The following CFAP54 variants were observed in gnomAD, a reference collection of about 807,000 sequenced individuals.
The protein encoded by CFAP54 is cilia and flagella associated protein 54.
Under a neutral mutation model 370.4 loss-of-function variants are expected in CFAP54, and 290 were observed. The observed-to-expected ratio is 0.78, with a 90% CI of 0.71 to 0.86. The LOEUF (loss-of-function observed/expected upper bound fraction) is 0.86. Among genes scored for constraint, CFAP54 ranks in the 40% least tolerant of loss-of-function variants. The probability of loss-of-function intolerance (pLI) is 0.00; values close to 1 mark genes in which losing one functional copy is unlikely to be tolerated. For missense variants in CFAP54, 3,399 were observed against 3,528.7 expected (o/e 0.96, Z 0.93); for synonymous variants, 1,206 against 1,236.5 (o/e 0.98, Z 0.52).
At chr12:96,831,642 A>G (rs1188814305) in intron 66 of CFAP54, among the ~76,000 whole-genome samples, 1 of 152,168 alleles carries the variant, frequency 6.6e-6, no homozygotes, top group Non-Finnish European at 1.5e-5. Flanking sequence ...TGAGGAAGTG[A>G]CATTTGAAGT....
At chr12:96,851,006 A>G (rs1011086437) in intron 66 of CFAP54, among the ~76,000 whole-genome samples, 2 of 152,228 alleles carry the variant, frequency 1.3e-5, no homozygotes, top group African/African-American at 4.8e-5. Context: ...TGTAAAAACC[A>G]TATCACTTTG....
chr12:96,569,294 G>T (rs2136415094), intron 19 of CFAP54, among the ~76,000 whole-genome samples: 1 of 152,288 alleles, frequency 6.6e-6, no homozygotes, highest in South Asian at 2.1e-4. Flanking sequence ...AGGTGGGACT[G>T]GTCCTCAAGA....
chr12:96,659,172 T>A (rs1439308046), intron 38 of CFAP54, among the ~76,000 whole-genome samples: 1 of 152,174 alleles, frequency 6.6e-6, no homozygotes, highest in Non-Finnish European at 1.5e-5. Flanking sequence ...TAGCATCAGA[T>A]CCCAGAGGTG....
chr12:96,775,914 A>G (rs182330977), intron 60 of CFAP54, among the ~76,000 whole-genome samples: 18 of 152,240 alleles, frequency 1.2e-4, no homozygotes, highest in African/African-American at 4.1e-4. Flanking sequence ...TTTATTTTAA[A>G]TATGCTTTTA....
chr12:96,538,706 C>A (rs1391737571), intron 13 of CFAP54, 188 bp downstream of exon 13: 1 of 583,704 alleles, frequency 1.7e-6, no homozygotes, highest in Non-Finnish European at 2.9e-6. Flanking sequence ...GTGTTCCCTG[C>A]ACTCCTGTTC....
chr12:96,766,710 A>C (rs967396579), intron 60 of CFAP54, among the ~76,000 whole-genome samples: 1 of 152,208 alleles, frequency 6.6e-6, no homozygotes, highest in African/African-American at 2.4e-5. Flanking sequence ...TAAGACGATG[A>C]CTGAAACTTC....
chr12:96,831,129 A>G (rs1235530444), intron 66 of CFAP54, among the ~76,000 whole-genome samples: 2 of 152,188 alleles, frequency 1.3e-5, no homozygotes, highest in Non-Finnish European at 2.9e-5. Flanking sequence ...AATGGTATTT[A>G]TTCATTTAGT....
chr12:96,723,162 G>T (rs1957779594), intron 50 of CFAP54, among the ~76,000 whole-genome samples: 1 of 152,052 alleles, frequency 6.6e-6, no homozygotes, highest in Non-Finnish European at 1.5e-5. Context: ...AAGTATATAT[G>T]TCTATTAAGC....
chr12:96,646,678 A>G (rs1490656170), intron 33 of CFAP54: 2 of 152,228 alleles, frequency 1.3e-5, no homozygotes, highest in South Asian at 2.1e-4. Flanking sequence ...CACTATTCAC[A>G]ATAGCAAAGA....
intron 47 of CFAP54, 137 bp from the exon 48 acceptor site, chr12:96,708,471 C>A: frequency 1.5e-6 from 1 of 651,352 alleles, no homozygotes. Context: ...CTCAGTAGAC[C>A]TCCCATTTAC....
intron 67 of CFAP54, among the ~76,000 whole-genome samples, chr12:96,866,462 C>G (rs906970367): frequency 6.6e-6 from 1 of 152,028 alleles, no homozygotes; most frequent in Non-Finnish European, 1.5e-5. Flanking sequence ...GCTTTTGTTC[C>G]TGTTTGATAT....
chr12:96,572,486 T>G (rs1592857273), intron 19 of CFAP54, among the ~76,000 whole-genome samples: 1 of 151,368 alleles, frequency 6.6e-6, no homozygotes. Flanking sequence ...GAGAGGTAGG[T>G]ATGAGAGAGA....
At chr12:96,769,317 A>G (rs1317033622) in intron 60 of CFAP54, among the ~76,000 whole-genome samples, 1 of 152,214 alleles carries the variant, frequency 6.6e-6, no homozygotes, top group Non-Finnish European at 1.5e-5. Context: ...TTACTACTAC[A>G]TAAACAATAT....
intron 66 of CFAP54, among the ~76,000 whole-genome samples, chr12:96,832,373 G>A (rs1305436994): frequency 6.6e-6 from 1 of 151,728 alleles, no homozygotes; most frequent in Non-Finnish European, 1.5e-5. Flanking sequence ...GACAGGTCTA[G>A]GTTGGAATCT....
intron 32 of CFAP54, among the ~76,000 whole-genome samples, chr12:96,633,051 A>AT (rs1219208538): frequency 2.6e-5 from 4 of 151,980 alleles, no homozygotes; most frequent in Admixed American, 6.6e-5. Flanking sequence ...TGTATAGTTG[A>AT]TTTTTTTGCG....
At position 96,650,205 on chromosome 12, in the gene CFAP54, G is replaced by C. The variant is rs1054114612; in HGVS notation, c.4872+133G>C. On this transcript the variant is annotated intron_variant, in intron 35 of 67. Transcript: ENST00000524981. ...TGTGACTTTGAGATCTCATCTTGCT[G>C]GGTGTATCCTAAGTCACTTTTGAGG... 5.2e-6 allele frequency: 4 copies of C among 771,098 alleles called. No homozygotes were observed. In the African/African-American group the frequency reaches 7.1e-5, roughly 14 times the overall value. The allele number at this position is 771,098 out of a possible 1,614,324, so 47.8% of individuals were successfully genotyped here. A position where few individuals can be genotyped will look rare whatever the true frequency, so the allele number is the denominator to read the frequency against.
intron 12 of CFAP54, among the ~76,000 whole-genome samples, chr12:96,538,152 T>G (rs1263829033): frequency 1.3e-5 from 2 of 152,088 alleles, no homozygotes; most frequent in Non-Finnish European, 2.9e-5. Context: ...CCCTCCCATC[T>G]GCCACTCTTT....
Position 96,708,735 on chromosome 12 carries a change from G to T in CFAP54, c.6656G>T (p.Cys2219Phe). ...CTAAGTGTGGCTGCGACAATAAATT[G>T]TGTCCCAGAAAATAAATTTAAGACA... ...FFLSVAATIN[C>F]VPENKFKTVI... Residue 2219 changes from cysteine (C) to phenylalanine (F), a missense_variant, in exon 48 of 68, where the codon TGT becomes TTT. By Grantham distance (205) the Cys-to-Phe change is radical. Coordinates refer to ENST00000524981, the MANE Select transcript of CFAP54 (RefSeq NM_001306084.2). 1.2e-6 allele frequency: 2 copies of T among 1,612,034 alleles called. No homozygotes were observed. Among genetic ancestry groups the T allele is most frequent in the Non-Finnish European group, 1.7e-6 (2 of 1,179,364 alleles).
intron 67 of CFAP54, among the ~76,000 whole-genome samples, chr12:96,867,959 A>C (rs1303674901): frequency 6.6e-6 from 1 of 152,190 alleles, no homozygotes; most frequent in Admixed American, 6.5e-5. Context: ...CGATTTACCT[A>C]TTCTATAATA....
Sources: gnomAD v4.1 joint callset for allele counts (sites outside exome capture counted in the v4.1 genomes callset) on GRCh38, gnomAD v4.1.1 for gene constraint, MANE v1.5 for transcripts, NCBI Gene and HGNC (gene_info 2026-07-23, HGNC 2026-07-21) for gene names.